GUCA1C: variants seen among roughly 807,000 people sequenced by gnomAD.
GUCA1C encodes the protein guanylyl cyclase-activating protein 3.
Under a neutral mutation model 16.2 loss-of-function variants are expected in GUCA1C, and 15 were observed. That is an observed-to-expected ratio of 0.93 (90% CI 0.62 to 1.43). The LOEUF is 1.43. Ranked by LOEUF, GUCA1C falls within the 40% of genes most tolerant of loss-of-function variation. The pLI is 0.00. For synonymous variants in GUCA1C, 78 were observed against 85.4 expected (o/e 0.91, Z 0.48); for missense variants, 275 against 244.8 (o/e 1.12, Z -0.82).
chr3:108,951,526 T>A (rs1203964326), intron 1 of GUCA1C, among the ~76,000 whole-genome samples: 3 of 152,226 alleles, frequency 2.0e-5, no homozygotes, highest in African/African-American at 7.2e-5. Flanking sequence ...TCTTTGGGGA[T>A]TCTGGACAGT....
chr3:108,912,877 C>A (rs1412536461), intron 3 of GUCA1C, among the ~76,000 whole-genome samples: 1 of 152,116 alleles, frequency 6.6e-6, no homozygotes, highest in African/African-American at 2.4e-5. Context: ...TAGGAAATAT[C>A]AAAGTAAACA....
At chr3:108,928,948 G>A (rs1225756036) in intron 1 of GUCA1C, among the ~76,000 whole-genome samples, 2 of 152,094 alleles carry the variant, frequency 1.3e-5, no homozygotes, top group African/African-American at 4.8e-5. Flanking sequence ...TATAACATTA[G>A]AATCAATTTG....
intron 3 of GUCA1C, among the ~76,000 whole-genome samples, chr3:108,915,780 G>A (rs982555787): frequency 3.9e-5 from 6 of 152,022 alleles, no homozygotes; most frequent in African/African-American, 9.7e-5. Flanking sequence ...TTCTGTTACT[G>A]GAGAGTTTTC....
chr3:108,939,962 TTC>T (rs1230499630), intron 1 of GUCA1C, among the ~76,000 whole-genome samples: 1 of 152,220 alleles, frequency 6.6e-6, no homozygotes, highest in Non-Finnish European at 1.5e-5. Flanking sequence ...TTTCAATAGA[TTC>T]TGTTAAAATA....
intron 3 of GUCA1C, 179 bp downstream of exon 3, chr3:108,915,948 A>G: frequency 1.5e-6 from 1 of 646,366 alleles, no homozygotes; most frequent in Non-Finnish European, 2.6e-6. Flanking sequence ...AATGAATATG[A>G]TCAATAAATA....
intron 3 of GUCA1C, among the ~76,000 whole-genome samples, chr3:108,912,103 C>CAATAATAATAAAATAATAAT (rs1553732654): frequency 2.4e-4 from 30 of 125,696 alleles, no homozygotes; most frequent in African/African-American, 8.1e-4. Flanking sequence ...GACTCCGTCT[C>CAATAATAATAAAATAATAAT]AATAATAATA....
At chr3:108,951,650 C>T (rs1576559618) in intron 1 of GUCA1C, among the ~76,000 whole-genome samples, 1 of 152,172 alleles carries the variant, frequency 6.6e-6, no homozygotes, top group Non-Finnish European at 1.5e-5. Flanking sequence ...CATTTTACCA[C>T]CTGATTTTAT....
At chr3:108,927,000 C>A (rs1379417134) in intron 1 of GUCA1C, among the ~76,000 whole-genome samples, 1 of 152,116 alleles carries the variant, frequency 6.6e-6, no homozygotes, top group Non-Finnish European at 1.5e-5. Context: ...CTCGGTTTCA[C>A]TGGATACAAA....
chr3:108,941,591 C>G (rs1322764442), intron 1 of GUCA1C, among the ~76,000 whole-genome samples: 2 of 152,190 alleles, frequency 1.3e-5, no homozygotes, highest in African/African-American at 2.4e-5. Context: ...GAAATGGGCT[C>G]ATCCCTGCCT....
intron 1 of GUCA1C, among the ~76,000 whole-genome samples, chr3:108,921,377 T>A (rs1946567736): frequency 6.6e-6 from 1 of 152,202 alleles, no homozygotes; most frequent in Admixed American, 6.5e-5. Context: ...CTTCCAGATT[T>A]TGGCAATTAT....
chr3:108,908,461 A>G (rs1353049488), intron 3 of GUCA1C, among the ~76,000 whole-genome samples: 1 of 152,126 alleles, frequency 6.6e-6, no homozygotes, highest in Admixed American at 6.5e-5. Flanking sequence ...GCCCCAGATG[A>G]AATAAGAGCA....
chr3:108,931,474 T>A (rs945867369), intron 1 of GUCA1C, among the ~76,000 whole-genome samples: 4 of 152,258 alleles, frequency 2.6e-5, no homozygotes, highest in Non-Finnish European at 5.9e-5. Flanking sequence ...TCAAAAACTT[T>A]TGTAAGCAAA....
Position 108,931,995 on chromosome 3 carries a change from C to T in GUCA1C, c.205-11410G>A, listed in dbSNP as rs546671798. 3.3e-5 allele frequency among the ~76,000 whole-genome samples: 5 copies of T among 151,364 alleles called. No homozygotes were observed. In the South Asian group the frequency reaches 6.3e-4, roughly 19 times the overall value. On this transcript the variant is annotated intron_variant, in intron 1 of 3. Coordinates refer to ENST00000261047, the MANE Select transcript of GUCA1C (RefSeq NM_005459.4). Reference sequence around the variant, plus strand: ...CCTCCCGAGTAACTGGGACTACAGGCGCCCACCACCACGCCCAGGTAATTT... The same window carrying T: ...CCTCCCGAGTAACTGGGACTACAGGTGCCCACCACCACGCCCAGGTAATTT...
At chr3:108,912,678 G>C (rs979185661) in intron 3 of GUCA1C, among the ~76,000 whole-genome samples, 7 of 138,752 alleles carry the variant, frequency 5.0e-5, no homozygotes, top group African/African-American at 1.9e-4. Context: ...ATTTTATGAA[G>C]TTTTTAACAT....
chr3:108,920,656 C>G (rs1946561772), intron 1 of GUCA1C, 71 bp from the exon 2 acceptor site: 1 of 825,156 alleles, frequency 1.2e-6, no homozygotes, highest in East Asian at 2.7e-5. Context: ...GAGAACTCAG[C>G]ATTCGTGAGC....
intron 1 of GUCA1C, among the ~76,000 whole-genome samples, chr3:108,935,389 A>G (rs570996979): frequency 5.4e-4 from 82 of 152,224 alleles, no homozygotes; most frequent in Admixed American, 2.2e-3. Context: ...ACATTTTTAT[A>G]TCTATAAAGA....
At chr3:108,913,961 G>C (rs1946482934) in intron 3 of GUCA1C, among the ~76,000 whole-genome samples, 1 of 152,058 alleles carries the variant, frequency 6.6e-6, no homozygotes, top group Admixed American at 6.6e-5. Flanking sequence ...AGCTACTTGG[G>C]AGATTGAGGC....
In GUCA1C at chr3:108,921,563, T is replaced by C. The variant is rs373056343; in HGVS notation, c.205-978A>G. 8.5e-5 allele frequency among the ~76,000 whole-genome samples: 13 copies of C among 152,328 alleles called. No individual in the cohort carries two copies. The South Asian group carries it at 2.7e-3, about 32-fold the overall frequency. ...ATTTTACATTTCTACCAGCACTGAA[T>C]GAGAGCTCCTGTTGCACCACATCCT... On this transcript the variant is annotated intron_variant, in intron 1 of 3. Coordinates refer to ENST00000261047, the MANE Select transcript of GUCA1C (RefSeq NM_005459.4).
intron 3 of GUCA1C, among the ~76,000 whole-genome samples, chr3:108,915,065 T>C (rs555240926): frequency 6.6e-6 from 1 of 152,360 alleles, no homozygotes; most frequent in South Asian, 2.1e-4. Flanking sequence ...TTGAGCAGTA[T>C]ACTCTTGTCC....
Sources: allele counts gnomAD v4.1 joint callset (sites outside exome capture counted in the v4.1 genomes callset), GRCh38; gene constraint gnomAD v4.1.1; transcripts MANE v1.5; gene names NCBI Gene and HGNC (gene_info 2026-07-23, HGNC 2026-07-21).